VPS54: variants seen among roughly 807,000 people sequenced by gnomAD.
The protein encoded by VPS54 is vacuolar protein sorting-associated protein 54.
VPS54 carries 45 observed loss-of-function variants against 121.5 expected under a neutral mutation model. That is an observed-to-expected ratio of 0.37 (90% confidence interval 0.29 to 0.47). The LOEUF (loss-of-function observed/expected upper bound fraction) is 0.47. VPS54 is among the 20% of genes least tolerant of loss of function. The pLI, the probability that VPS54 is intolerant of heterozygous loss-of-function variation, is 0.99. For synonymous variants in VPS54, 371 were observed against 385.8 expected (o/e 0.96, Z 0.45); for missense variants, 1,090 against 1,131.4 (o/e 0.96, Z 0.52).
intron 1 of VPS54, among the ~76,000 whole-genome samples, chr2:63,986,878 ATATC>A (rs1677078208): frequency 6.6e-6 from 1 of 152,208 alleles, no homozygotes; most frequent in Admixed American, 6.5e-5. Context: ...CTCTTGAGTA[ATATC>A]TATTCAGATA....
intron 11 of VPS54, among the ~76,000 whole-genome samples, chr2:63,938,810 A>G (rs1165079298): frequency 1.3e-5 from 2 of 152,192 alleles, no homozygotes; most frequent in Non-Finnish European, 2.9e-5. Context: ...TTGCAAGATA[A>G]AAAGAGTTCT....
intron 1 of VPS54, among the ~76,000 whole-genome samples, chr2:63,986,682 G>A (rs951195534): frequency 5.8e-4 from 89 of 152,212 alleles, no homozygotes; most frequent in African/African-American, 1.9e-3. Context: ...TGCTCTCCAC[G>A]GTGATTGTAC....
At chr2:63,894,895 T>C (rs991157416) in intron 22 of VPS54, among the ~76,000 whole-genome samples, 2 of 151,936 alleles carry the variant, frequency 1.3e-5, no homozygotes, top group African/African-American at 4.8e-5. Flanking sequence ...TAAATAAGAC[T>C]AAAAGAATGT....
intron 16 of VPS54, among the ~76,000 whole-genome samples, chr2:63,916,099 T>C (rs1673368378): frequency 6.6e-6 from 1 of 152,150 alleles, no homozygotes. Flanking sequence ...TGGCTCCATT[T>C]GGGTCACTTG....
chr2:63,952,348 A>T (rs1481942066), intron 7 of VPS54, among the ~76,000 whole-genome samples: 2 of 152,220 alleles, frequency 1.3e-5, no homozygotes, highest in Admixed American at 6.5e-5. Flanking sequence ...AAATATGTTT[A>T]TATCTCAGGG....
At chr2:63,938,553 C>T (rs1467650796) in intron 11 of VPS54, among the ~76,000 whole-genome samples, 1 of 151,522 alleles carries the variant, frequency 6.6e-6, no homozygotes, top group Non-Finnish European at 1.5e-5. Context: ...CAACCTCCAC[C>T]TCCTGGGTTC....
chr2:63,897,421 T>C, intron 22 of VPS54, 75 bp downstream of exon 22: 1 of 1,053,438 alleles, frequency 9.5e-7, no homozygotes, highest in Non-Finnish European at 1.4e-6. Context: ...CAGAAAAGGA[T>C]GGCACAAATA....
intron 1 of VPS54, among the ~76,000 whole-genome samples, chr2:63,994,222 C>T (rs570817766): frequency 6.6e-6 from 1 of 152,180 alleles, no homozygotes; most frequent in African/African-American, 2.4e-5. Context: ...AAAAATCTCA[C>T]CATTTATATT....
intron 1 of VPS54, among the ~76,000 whole-genome samples, chr2:64,017,299 T>C (rs1445930200): frequency 6.9e-6 from 1 of 145,634 alleles, no homozygotes; most frequent in Non-Finnish European, 1.5e-5. Context: ...ATAGCGCCAC[T>C]GCACTCCAGC....
intron 6 of VPS54, 21 bp downstream of exon 6, chr2:63,965,814 A>T: frequency 6.2e-7 from 1 of 1,608,196 alleles, no homozygotes; most frequent in South Asian, 1.1e-5. Context: ...TCCTACATGG[A>T]AAAAGTCAAA....
chr2:63,940,486 G>T (rs1206744677), intron 11 of VPS54, among the ~76,000 whole-genome samples: 2 of 152,080 alleles, frequency 1.3e-5, no homozygotes, highest in African/African-American at 4.8e-5. Context: ...CCACATAGTG[G>T]AATAACTACA....
chr2:63,899,765 T>A (rs1436492014), intron 20 of VPS54, among the ~76,000 whole-genome samples, 184 bp from the exon 21 acceptor site: 2 of 152,232 alleles, frequency 1.3e-5, no homozygotes, highest in South Asian at 4.1e-4. Flanking sequence ...TCATTCAACA[T>A]CTTAATTCAC....
At chr2:63,985,576 C>G (rs763376620) in intron 1 of VPS54, among the ~76,000 whole-genome samples, 19 of 151,738 alleles carry the variant, frequency 1.3e-4, no homozygotes, top group Non-Finnish European at 2.1e-4. Context: ...ATAACATGAA[C>G]AAAAGATAAT....
intron 1 of VPS54, among the ~76,000 whole-genome samples, chr2:64,016,610 ATT>A (rs34383340): frequency 0.035 from 4,776 of 137,042 alleles, 207 homozygotes; most frequent in African/African-American, 0.11. Context: ...TGAATTGTAT[ATT>A]TTTTTTTTTT....
At chr2:64,016,058 A>G (rs1377511820) in intron 1 of VPS54, among the ~76,000 whole-genome samples, 1 of 152,224 alleles carries the variant, frequency 6.6e-6, no homozygotes, top group Non-Finnish European at 1.5e-5. Flanking sequence ...CTAGAGATTC[A>G]AGCTTCTAAT....
chr2:63,928,684 T>C lies in VPS54; in HGVS notation c.1739+4989A>G, dbSNP rs1031616907. 2.6e-5 allele frequency among the ~76,000 whole-genome samples: 4 copies of C among 152,056 alleles called. 1 individual carries two copies. Among genetic ancestry groups the C allele is most frequent in the Non-Finnish European group, 5.9e-5 (4 of 68,012 alleles). On this transcript the variant is annotated intron_variant, in intron 12 of 22. Transcript: ENST00000272322. ...ATATTAACCTTAAATGTAAATGGGC[T>C]AAATGCCCCAATTAAAAGACACAGA... is the stretch of plus-strand genomic sequence containing the variant.
At chr2:63,948,738 G>C (rs1041178345) in intron 8 of VPS54, among the ~76,000 whole-genome samples, 2 of 151,964 alleles carry the variant, frequency 1.3e-5, no homozygotes, top group African/African-American at 4.8e-5. Context: ...TCCAGCACTC[G>C]CACACATAAA....
chr2:63,957,384 G>T (rs1367823236), intron 7 of VPS54, among the ~76,000 whole-genome samples: 2 of 148,218 alleles, frequency 1.3e-5, no homozygotes, highest in Non-Finnish European at 3.0e-5. Flanking sequence ...GGAGCTTGCA[G>T]TGAGCCAAGA....
chr2:63,909,742 GAGACAGAGTTTCACTC>G (rs1180560777), intron 20 of VPS54, among the ~76,000 whole-genome samples: 1 of 75,764 alleles, frequency 1.3e-5, no homozygotes, highest in Admixed American at 1.4e-4. Context: ...TTTTTTTTTT[GAGACAGAGTTTCACTC>G]TTGTTGCCTA....
Sources: allele counts gnomAD v4.1 joint callset (sites outside exome capture counted in the v4.1 genomes callset), GRCh38; gene constraint gnomAD v4.1.1; transcripts MANE v1.5; gene names NCBI Gene and HGNC (gene_info 2026-07-23, HGNC 2026-07-21).